Variants in AGMO observed in about 807,000 individuals in gnomAD.
The protein encoded by AGMO is alkylglycerol monooxygenase.
AGMO carries 75 observed loss-of-function variants against 60.2 expected under a neutral mutation model. The ratio of observed to expected loss-of-function variants is 1.25; its 90% CI spans 1.03 to 1.51. AGMO has a LOEUF of 1.51. Ranked by LOEUF, AGMO falls within the 40% of genes most tolerant of loss-of-function variation. AGMO has a pLI of 0.00. For missense variants in AGMO, 763 were observed against 525.5 expected, an observed-to-expected ratio of 1.45 and a Z score of -4.42; for synonymous variants, 261 against 177.1, an observed-to-expected ratio of 1.47 and a Z score of -3.76.
At chr7:15,177,254 T>C in the AGMO span, among the ~76,000 whole-genome samples, 1 of 152,194 alleles carries the variant, frequency 6.6e-6, no homozygotes, top group East Asian at 1.9e-4. Context: ...AATGAAAAAG[T>C]ATATTAGGTA....
intron 5 of AGMO, among the ~76,000 whole-genome samples, chr7:15,397,303 C>T (rs898676938): frequency 6.6e-5 from 10 of 151,774 alleles, no homozygotes; most frequent in African/African-American, 2.4e-4. Flanking sequence ...GCCCAGTGCG[C>T]GGTCCACCGA....
At chr7:15,429,317 G>A (rs1023389590) in intron 4 of AGMO, among the ~76,000 whole-genome samples, 3 of 152,010 alleles carry the variant, frequency 2.0e-5, no homozygotes, top group Non-Finnish European at 4.4e-5. Flanking sequence ...TAATGGTCAT[G>A]CTGGAGTATG....
intron 12 of AGMO, among the ~76,000 whole-genome samples, chr7:15,301,003 T>A (rs1371472782): frequency 2.6e-5 from 4 of 152,082 alleles, no homozygotes; most frequent in African/African-American, 9.7e-5. Context: ...ACAGAGGAAC[T>A]TTCTACTGGA....
At chr7:15,217,096 T>A (rs975685247) in intron 12 of AGMO, among the ~76,000 whole-genome samples, 5 of 151,930 alleles carry the variant, frequency 3.3e-5, no homozygotes, top group Non-Finnish European at 5.9e-5. Context: ...AGGAAGGAAA[T>A]ACAGTTGAAG....
chr7:15,453,776 C>A (rs1315383502), intron 3 of AGMO, among the ~76,000 whole-genome samples: 1 of 152,030 alleles, frequency 6.6e-6, no homozygotes, highest in Non-Finnish European at 1.5e-5. Flanking sequence ...AAGGGTCTGC[C>A]AACAGGTTTG....
At chr7:15,161,922 T>G in the AGMO span, among the ~76,000 whole-genome samples, 3 of 152,086 alleles carry the variant, frequency 2.0e-5, no homozygotes, top group Non-Finnish European at 4.4e-5. Flanking sequence ...TTCTATTCAA[T>G]ATACAGCTTT....
At chr7:15,207,646 G>A (rs1781472737) in intron 12 of AGMO, among the ~76,000 whole-genome samples, 1 of 152,174 alleles carries the variant, frequency 6.6e-6, no homozygotes, top group African/African-American at 2.4e-5. Flanking sequence ...AGCATAAAGT[G>A]AAAATAGGCC....
intron 12 of AGMO, among the ~76,000 whole-genome samples, chr7:15,232,789 CCA>C (rs1028271575): frequency 1.1e-5 from 1 of 88,480 alleles, no homozygotes; most frequent in South Asian, 4.1e-4. Flanking sequence ...AACATGGAAA[CCA>C]CACACACACG....
chr7:15,223,622 A>G (rs1781986804), intron 12 of AGMO, among the ~76,000 whole-genome samples: 2 of 151,986 alleles, frequency 1.3e-5, no homozygotes, highest in African/African-American at 2.4e-5. Flanking sequence ...ATGTTTACAT[A>G]TAAGAATTAT....
At chr7:15,317,557 A>G (rs1407262281) in intron 12 of AGMO, among the ~76,000 whole-genome samples, 1 of 152,128 alleles carries the variant, frequency 6.6e-6, no homozygotes. Flanking sequence ...GGTTTGTCTA[A>G]AATTTCTTAC....
chr7:15,127,494 G>T, the AGMO span, among the ~76,000 whole-genome samples: 1 of 152,150 alleles, frequency 6.6e-6, no homozygotes, highest in Middle Eastern at 3.4e-3. Context: ...TTGAGAGCAA[G>T]CTTATTAAAT....
intron 3 of AGMO, among the ~76,000 whole-genome samples, chr7:15,522,762 A>G (rs1320357112): frequency 6.6e-6 from 1 of 152,190 alleles, no homozygotes; most frequent in African/African-American, 2.4e-5. Flanking sequence ...AACCTAGGCA[A>G]TACCATTCTG....
At position 15,410,982 on chromosome 7, in the gene AGMO, T is replaced by C. The variant is rs1253175226; in HGVS notation, c.609+7576A>G. ...TCATATTGAAACTTACTTGCTATTG[T>C]GACAGATTTAAGAATTGGAATCTTT... On this transcript the variant is annotated intron_variant, in intron 5 of 12. Coordinates refer to ENST00000342526, the MANE Select transcript of AGMO (RefSeq NM_001004320.2). 2.6e-5 allele frequency among the ~76,000 whole-genome samples: 4 copies of C among 152,032 alleles called. No homozygotes were observed. The East Asian group carries it at 7.7e-4, about 29-fold the overall frequency.
At chr7:15,415,551 A>T in intron 5 of AGMO, among the ~76,000 whole-genome samples, 1 of 152,048 alleles carries the variant, frequency 6.6e-6, no homozygotes, top group Non-Finnish European at 1.5e-5. Flanking sequence ...AAGAAAAAAA[A>T]ATATCATTGA....
chr7:15,152,112 G>A, the AGMO span, among the ~76,000 whole-genome samples: 1 of 152,098 alleles, frequency 6.6e-6, no homozygotes, highest in Non-Finnish European at 1.5e-5. Flanking sequence ...ATCTTCTTTT[G>A]AATTGAACCT....
chr7:15,194,815 G>C, the AGMO span, among the ~76,000 whole-genome samples: 1 of 152,056 alleles, frequency 6.6e-6, no homozygotes, highest in Non-Finnish European at 1.5e-5. Flanking sequence ...GTGGCTGCCA[G>C]GTTCCATTTT....
chr7:15,333,622 A>C (rs1781565519), intron 12 of AGMO, among the ~76,000 whole-genome samples: 1 of 151,030 alleles, frequency 6.6e-6, no homozygotes, highest in Non-Finnish European at 1.5e-5. Flanking sequence ...AAAAAAAGAA[A>C]GAAAAAAAAT....
At chr7:15,236,772 C>CA (rs529480246) in intron 12 of AGMO, among the ~76,000 whole-genome samples, 69 of 149,386 alleles carry the variant, frequency 4.6e-4, no homozygotes, top group Non-Finnish European at 6.7e-4. Context: ...ACCACAAGAA[C>CA]AAAAAAAAAT....
chr7:15,355,091 T>G (rs966902261), intron 12 of AGMO, among the ~76,000 whole-genome samples: 5 of 152,032 alleles, frequency 3.3e-5, no homozygotes, highest in African/African-American at 1.2e-4. Flanking sequence ...TTCAGAAATT[T>G]TGATATGATG....
Sources: allele counts gnomAD v4.1 joint callset (sites outside exome capture counted in the v4.1 genomes callset), GRCh38; gene constraint gnomAD v4.1.1; transcripts MANE v1.5; gene names NCBI Gene and HGNC (gene_info 2026-07-23, HGNC 2026-07-21).